Variants in CSGALNACT1 observed in about 807,000 individuals in gnomAD.
The protein encoded by CSGALNACT1 is beta4GalNAcT-1.
A neutral mutation model predicts 51.0 loss-of-function variants in CSGALNACT1; 52 were observed. The ratio of observed to expected loss-of-function variants is 1.02; its 90% CI spans 0.82 to 1.29. CSGALNACT1 has a LOEUF of 1.29. Ranked by LOEUF, CSGALNACT1 falls within the 50% of genes most tolerant of loss-of-function variation. The pLI, the probability that CSGALNACT1 is intolerant of heterozygous loss-of-function variation, is 0.00. For synonymous variants in CSGALNACT1, 341 were observed against 254.4 expected (o/e 1.34, Z -3.24); for missense variants, 935 against 679.2 (o/e 1.38, Z -4.19).
At chr8:19,411,110 C>T (rs2055615520) in intron 8 of CSGALNACT1, among the ~76,000 whole-genome samples, 1 of 152,186 alleles carries the variant, frequency 6.6e-6, no homozygotes, top group Non-Finnish European at 1.5e-5. Context: ...AGGCCAGATA[C>T]TTGCAGTCCT....
exon 4 of CSGALNACT1, chr8:19,505,783 A>C: frequency 6.2e-7 from 1 of 1,613,954 alleles, no homozygotes. Context: ...AGCACCAGCA[A>C]AACCACCACC....
Position 19,553,792 on chromosome 8 carries a change from G to A in CSGALNACT1, c.-297+37368C>T, listed in dbSNP as rs115132841. On this transcript the variant is annotated intron_variant, in intron 3 of 9. Transcript: ENST00000454498. The stretch of plus-strand genomic sequence containing the variant: ...ATAGAAAGGTCAAAGGAAATAAGAG[G>A]TTTCTGAAATGTAATTATTGTTCTC... Among the ~76,000 whole-genome samples, 1,359 of 151,318 alleles carry A rather than the reference G, an allele frequency of 9.0e-3. 23 individuals are homozygous for A. Among genetic ancestry groups the A allele is most frequent in the African/African-American group, 0.031 (1,269 of 41,200 alleles).
chr8:19,669,527 C>G (rs746904009), intron 1 of CSGALNACT1, among the ~76,000 whole-genome samples: 4 of 152,250 alleles, frequency 2.6e-5, no homozygotes, highest in Non-Finnish European at 5.9e-5. Context: ...CCTTCCTTCA[C>G]TGCAACTTCT....
chr8:19,696,457 T>C (rs1402735008), intron 1 of CSGALNACT1, among the ~76,000 whole-genome samples: 3 of 152,174 alleles, frequency 2.0e-5, no homozygotes, highest in Admixed American at 6.5e-5. Context: ...GAACAGGGCA[T>C]ATGAAACACC....
intron 1 of CSGALNACT1, among the ~76,000 whole-genome samples, chr8:19,626,703 A>G (rs1435955382): frequency 2.0e-5 from 3 of 152,240 alleles, no homozygotes; most frequent in Non-Finnish European, 4.4e-5. Context: ...CTTTCAGTAT[A>G]TTTAAATAAC....
intron 4 of CSGALNACT1, among the ~76,000 whole-genome samples, chr8:19,461,765 CGTAT>C (rs1464656174): frequency 1.7e-4 from 23 of 134,916 alleles, no homozygotes; most frequent in South Asian, 2.5e-4. Flanking sequence ...CCATGGAGGG[CGTAT>C]CTGCACAGCA....
At chr8:19,639,529 A>G (rs563696414) in intron 1 of CSGALNACT1, among the ~76,000 whole-genome samples, 1 of 152,346 alleles carries the variant, frequency 6.6e-6, no homozygotes, top group East Asian at 1.9e-4. Context: ...GGGTACCCCC[A>G]TCACTCTTGG....
At chr8:19,654,872 A>G (rs2058119453) in intron 1 of CSGALNACT1, among the ~76,000 whole-genome samples, 1 of 152,006 alleles carries the variant, frequency 6.6e-6, no homozygotes, top group Admixed American at 6.6e-5. Flanking sequence ...TTAAAGTAAA[A>G]TTTTTCATAA....
At chr8:19,408,485 TTTTTTTTTTTTTG>T in intron 9 of CSGALNACT1, 115 bp downstream of exon 8, 6 of 497,930 alleles carry the variant, frequency 1.2e-5, no homozygotes, top group Non-Finnish European at 1.7e-5. Flanking sequence ...TTTTTTTTTT[TTTTTTTTTTTTTG>T]AAGGCAATGG....
At chr8:19,723,007 G>A (rs977403502) in intron 1 of CSGALNACT1, among the ~76,000 whole-genome samples, 1 of 152,212 alleles carries the variant, frequency 6.6e-6, no homozygotes, top group Non-Finnish European at 1.5e-5. Context: ...ACAAAGATTA[G>A]ATAAGTGATT....
rs151123089 is a variant in CSGALNACT1, at chr8:19,499,781, G to T, written c.634+5420C>A. On this transcript the variant is annotated intron_variant, in intron 4 of 9. Transcript: ENST00000454498. ...GCAGGGCCCAGTGTAAAATGAAAAT[G>T]TGGGGCCCCTTAAACATGATTAAGA... Among the ~76,000 whole-genome samples, 640 of 152,298 alleles carry T rather than the reference G, an allele frequency of 4.2e-3. 2 individuals carry two copies. Among genetic ancestry groups the T allele is most frequent in the Non-Finnish European group, 6.2e-3 (423 of 68,022 alleles).
At chr8:19,644,772 C>A (rs1478805581) in intron 1 of CSGALNACT1, among the ~76,000 whole-genome samples, 1 of 147,530 alleles carries the variant, frequency 6.8e-6, no homozygotes, top group Non-Finnish European at 1.5e-5. Context: ...CAAGCCAAAG[C>A]TTCTTCTAAA....
At chr8:19,586,821 A>T (rs192121059) in intron 3 of CSGALNACT1, among the ~76,000 whole-genome samples, 2 of 152,250 alleles carry the variant, frequency 1.3e-5, no homozygotes, top group East Asian at 3.9e-4. Flanking sequence ...TTACTTTAGA[A>T]CTCCCAGAAT....
At chr8:19,423,339 G>C (rs897127824) in intron 6 of CSGALNACT1, among the ~76,000 whole-genome samples, 2 of 152,224 alleles carry the variant, frequency 1.3e-5, no homozygotes, top group Admixed American at 1.3e-4. Context: ...TGAGGAAACA[G>C]CATGAAAGAA....
intron 5 of CSGALNACT1, among the ~76,000 whole-genome samples, chr8:19,443,151 C>T (rs2061588152): frequency 6.6e-6 from 1 of 152,290 alleles, no homozygotes; most frequent in South Asian, 2.1e-4. Context: ...GTGTTTTGCC[C>T]ATGTCCTGTC....
At chr8:19,494,845 C>T (rs1479467048) in intron 4 of CSGALNACT1, among the ~76,000 whole-genome samples, 1 of 139,824 alleles carries the variant, frequency 7.2e-6, no homozygotes, top group African/African-American at 2.7e-5. Context: ...AAGTCCATTT[C>T]TTCCCTCCAC....
intron 4 of CSGALNACT1, among the ~76,000 whole-genome samples, chr8:19,501,300 G>T (rs80269556): frequency 6.9e-6 from 1 of 144,208 alleles, no homozygotes; most frequent in African/African-American, 2.6e-5. Context: ...ATGCTACACA[G>T]AACCTCTCTT....
At chr8:19,619,112 G>T (rs771407439) in intron 1 of CSGALNACT1, among the ~76,000 whole-genome samples, 17 of 152,150 alleles carry the variant, frequency 1.1e-4, no homozygotes, top group South Asian at 6.2e-4. Context: ...CGTGTACAGG[G>T]CACTACAGAG....
At chr8:19,516,048 T>C (rs926645555) in intron 3 of CSGALNACT1, among the ~76,000 whole-genome samples, 2 of 152,162 alleles carry the variant, frequency 1.3e-5, no homozygotes, top group Non-Finnish European at 2.9e-5. Context: ...CGGAGTCTTT[T>C]GGGGCTCTTG....
Sources: allele counts gnomAD v4.1 joint callset (sites outside exome capture counted in the v4.1 genomes callset), GRCh38; gene constraint gnomAD v4.1.1; transcripts MANE v1.5; gene names NCBI Gene and HGNC (gene_info 2026-07-23, HGNC 2026-07-21).